Variants in CFAP47 observed in about 807,000 individuals in gnomAD.
The protein encoded by CFAP47 is cilia- and flagella-associated protein 47.
A neutral mutation model predicts 148.1 loss-of-function variants in CFAP47; 29 were observed. The observed-to-expected ratio is 0.20, with a 90% CI of 0.15 to 0.27. The LOEUF is 0.27. Among genes scored for constraint, CFAP47 ranks in the 10% least tolerant of loss-of-function variants. CFAP47 has a pLI of 1.00. For missense variants in CFAP47, 1,872 were observed against 1,697.5 expected, an observed-to-expected ratio of 1.10 and a Z score of -1.81; for synonymous variants, 664 against 577.3, an observed-to-expected ratio of 1.15 and a Z score of -2.15.
intron 8 of CFAP47, among the ~76,000 whole-genome samples, chrX:35,958,438 T>C (rs1231569724): frequency 9.0e-6 from 1 of 111,724 alleles, no homozygotes; most frequent in East Asian, 2.8e-4. Flanking sequence ...TGTTTAACTT[T>C]TTAAGAAACT....
chrX:36,138,357 C>A lies in CFAP47; in HGVS notation c.5428C>A (p.His1810Asn). Reference sequence around the variant, plus strand: ...TTTTTTTTTTTTACAGATTGAGTCTCATTTTATAAATATGTACACACGACC... The same window carrying A: ...TTTTTTTTTTTTACAGATTGAGTCTAATTTTATAAATATGTACACACGACC... ...GAYCPFLIES[H>N]FINMYTRPKS... is the part of the protein sequence containing the mutation. Residue 1810 changes from histidine to asparagine, a missense_variant, in exon 35 of 64, where the codon CAT (histidine) becomes AAT (asparagine). Physicochemically the swap from His to Asn is moderately conservative, Grantham distance 68. Transcript: ENST00000378653. 8.9e-7 allele frequency: 1 copy of A among 1,122,124 alleles called. No homozygotes were observed. Among genetic ancestry groups the A allele is most frequent in the South Asian group, 2.3e-5 (1 of 42,663 alleles). 92.5% of individuals were successfully genotyped at this position (1,122,124 alleles called of 1,213,427 possible).
At chrX:36,287,528 G>A (rs1166071150) in intron 51 of CFAP47, among the ~76,000 whole-genome samples, 1 of 110,572 alleles carries the variant, frequency 9.0e-6, no homozygotes, top group Non-Finnish European at 1.9e-5. Context: ...CGCAATTATC[G>A]AGTCCCCTTT....
At chrX:36,119,893 C>A (rs978812180) in intron 33 of CFAP47, among the ~76,000 whole-genome samples, 1 of 111,229 alleles carries the variant, frequency 9.0e-6, no homozygotes, top group African/African-American at 3.3e-5. Context: ...GTTGTGGTAT[C>A]AGTTGTAATG....
At chrX:35,940,537 G>A (rs1935990046) in intron 2 of CFAP47, among the ~76,000 whole-genome samples, 1 of 111,124 alleles carries the variant, frequency 9.0e-6, no homozygotes, top group Non-Finnish European at 1.9e-5. Context: ...TGTGTATGAA[G>A]CCAAAACAAG....
intron 56 of CFAP47, among the ~76,000 whole-genome samples, chrX:36,316,958 C>T (rs782381166): frequency 6.1e-3 from 678 of 111,272 alleles, no homozygotes; most frequent in African/African-American, 0.021. Flanking sequence ...GCTAATTTTT[C>T]GTATTTTTTA....
chrX:36,385,039 T>A lies in CFAP47; in HGVS notation c.*33T>A. 1 of 942,140 alleles carries A rather than the reference T, an allele frequency of 1.1e-6. No homozygotes were observed. Among genetic ancestry groups the A allele is most frequent in the Non-Finnish European group, 1.5e-6 (1 of 670,915 alleles). The allele number at this position is 942,140 out of a possible 1,213,427, so 77.6% of individuals were successfully genotyped here. Reference sequence around the variant, plus strand: ...TTCCAAAATATTTCTTGGTCTCAGGTAGAACTTTGATGACTATTATTTCAT... The same window carrying A: ...TTCCAAAATATTTCTTGGTCTCAGGAAGAACTTTGATGACTATTATTTCAT... On this transcript the variant is annotated 3_prime_UTR_variant, in exon 64 of 64. Coordinates refer to ENST00000378653, the MANE Select transcript of CFAP47 (RefSeq NM_001304548.2).
intron 33 of CFAP47, among the ~76,000 whole-genome samples, chrX:36,124,995 T>C (rs752530272): frequency 3.6e-4 from 40 of 111,634 alleles, no homozygotes; most frequent in Non-Finnish European, 6.8e-4. Context: ...ATAATAAATA[T>C]TACTTCAGTC....
intron 45 of CFAP47, among the ~76,000 whole-genome samples, chrX:36,216,619 G>T (rs1332855382): frequency 8.9e-6 from 1 of 111,908 alleles, no homozygotes; most frequent in Non-Finnish European, 1.9e-5. Flanking sequence ...ACTTAAATTA[G>T]TCTCCCCAAG....
chrX:36,270,549 G>GTATATATATATATATATATA (rs782687841), intron 49 of CFAP47, among the ~76,000 whole-genome samples: 2 of 95,519 alleles, frequency 2.1e-5, no homozygotes, highest in African/African-American at 7.8e-5. Flanking sequence ...TTTAAAATTT[G>GTATATATATATATATATATA]TATATATATA....
intron 25 of CFAP47, among the ~76,000 whole-genome samples, chrX:36,046,089 T>G (rs142821869): frequency 1.9e-4 from 21 of 111,086 alleles, no homozygotes; most frequent in African/African-American, 6.8e-4. Flanking sequence ...CTTTATTTTT[T>G]CTTATTAGCT....
At chrX:36,020,763 C>T (rs1937148587) in intron 22 of CFAP47, among the ~76,000 whole-genome samples, 1 of 111,741 alleles carries the variant, frequency 8.9e-6, no homozygotes, top group South Asian at 3.7e-4. Flanking sequence ...TTATAGGCAG[C>T]AGGTCACTGG....
At chrX:36,293,240 C>T (rs1941209827) in intron 51 of CFAP47, among the ~76,000 whole-genome samples, 1 of 112,166 alleles carries the variant, frequency 8.9e-6, no homozygotes, top group Admixed American at 9.5e-5. Flanking sequence ...AACCTGGGAA[C>T]TGTAGATAAT....
At chrX:36,003,794 A>C (rs1936944929) in intron 21 of CFAP47, among the ~76,000 whole-genome samples, 1 of 108,748 alleles carries the variant, frequency 9.2e-6, no homozygotes, top group Admixed American at 1.0e-4. Flanking sequence ...CAAGAGAAAA[A>C]AATAAAGGGC....
intron 29 of CFAP47, among the ~76,000 whole-genome samples, chrX:36,078,465 C>T (rs1236621960): frequency 9.0e-6 from 1 of 111,032 alleles, no homozygotes; most frequent in African/African-American, 3.3e-5. Context: ...TAATGGCCTT[C>T]TTTGTCTCGT....
At chrX:36,277,892 A>G (rs1446361573) in intron 49 of CFAP47, among the ~76,000 whole-genome samples, 1 of 112,086 alleles carries the variant, frequency 8.9e-6, no homozygotes, top group African/African-American at 3.2e-5. Context: ...GAGTATCACC[A>G]GTAGAGGCTG....
intron 2 of CFAP47, among the ~76,000 whole-genome samples, chrX:35,938,137 AG>A (rs1935945794): frequency 8.9e-6 from 1 of 111,956 alleles, no homozygotes; most frequent in African/African-American, 3.2e-5. Flanking sequence ...AAATGTATCC[AG>A]TAGAATGAAA....
intron 33 of CFAP47, among the ~76,000 whole-genome samples, chrX:36,121,411 T>G (rs1218487068): frequency 9.0e-6 from 1 of 111,361 alleles, no homozygotes; most frequent in Non-Finnish European, 1.9e-5. Context: ...TTGTTGCTTG[T>G]TTTCTGGTTG....
intron 40 of CFAP47, among the ~76,000 whole-genome samples, chrX:36,183,920 G>C (rs772593341): frequency 9.0e-6 from 1 of 111,314 alleles, no homozygotes; most frequent in East Asian, 2.8e-4. Context: ...AAGACCTGCT[G>C]TGTTTTTTTT....
chrX:35,961,210 G>A (rs1358223389), intron 8 of CFAP47, among the ~76,000 whole-genome samples: 2 of 111,599 alleles, frequency 1.8e-5, no homozygotes, highest in African/African-American at 6.5e-5. Flanking sequence ...TCTTTTCTAC[G>A]TTTTGCTGGC....
Sources: allele counts gnomAD v4.1 joint callset (sites outside exome capture counted in the v4.1 genomes callset), GRCh38; gene constraint gnomAD v4.1.1; transcripts MANE v1.5; gene names NCBI Gene and HGNC (gene_info 2026-07-23, HGNC 2026-07-21).